DCC: variants seen among roughly 807,000 people sequenced by gnomAD.
DCC encodes DCC netrin 1 receptor, also known as netrin receptor DCC.
In DCC, 58 loss-of-function variants were observed where a neutral mutation model predicts 172.5. The ratio of observed to expected loss-of-function variants is 0.34; its 90% CI spans 0.27 to 0.42. DCC has a LOEUF of 0.42. Ranked by LOEUF, DCC falls within the 10% of genes least tolerant of loss-of-function variation. The pLI, the probability that DCC is intolerant of heterozygous loss-of-function variation, is 1.00. For missense variants in DCC, 1,740 were observed against 1,791.0 expected (o/e 0.97, Z 0.51); for synonymous variants, 709 against 644.5 (o/e 1.10, Z -1.52).
chr18:53,471,978 G>A (rs4280318), intron 25 of DCC, among the ~76,000 whole-genome samples: 1 of 152,052 alleles, frequency 6.6e-6, no homozygotes, highest in Non-Finnish European at 1.5e-5. Flanking sequence ...ATTTTGAGTC[G>A]CCAATACCCA....
chr18:52,686,386 C>G (rs2145001631), intron 1 of DCC, among the ~76,000 whole-genome samples: 1 of 152,258 alleles, frequency 6.6e-6, no homozygotes, highest in Non-Finnish European at 1.5e-5. Flanking sequence ...CATATCAAGT[C>G]TGAGCTTCGA....
At position 52,351,325 on chromosome 18, in the gene DCC, T is replaced by C. The variant is rs550081408; in HGVS notation, c.91+10447T>C. On this transcript the variant is annotated intron_variant, in intron 1 of 28. Transcript: ENST00000442544. ...TCCAGTAGTAGCTACTTGTACTTGGTAGATATTGACTGAATAAATTCAAAT... is the reference window on the plus strand; with the variant it reads ...TCCAGTAGTAGCTACTTGTACTTGGCAGATATTGACTGAATAAATTCAAAT... Among the ~76,000 whole-genome samples the C allele has an allele frequency of 2.0e-5, 3 of 152,318 alleles. No individual in the cohort carries two copies. In the East Asian group the frequency reaches 5.8e-4, roughly 29 times the overall value.
In DCC at chr18:53,492,957, G is replaced by A. The variant is rs561373563; in HGVS notation, c.3898+5999G>A. ...ATTGATTCTTCCTATCTATGAGCATGGAATATTTTTCCATTTGTTTGTGTC... is the reference window on the plus strand; with the variant it reads ...ATTGATTCTTCCTATCTATGAGCATAGAATATTTTTCCATTTGTTTGTGTC... On this transcript the variant is annotated intron_variant, in intron 26 of 28. Coordinates refer to ENST00000442544, the MANE Select transcript of DCC (RefSeq NM_005215.4). Among the ~76,000 whole-genome samples, 6 of 152,266 alleles carry A rather than the reference G, an allele frequency of 3.9e-5. No individual in the cohort carries two copies. In the East Asian group the frequency reaches 9.6e-4, roughly 24 times the overall value.
chr18:53,460,586 C>T (rs1014630209), intron 24 of DCC, among the ~76,000 whole-genome samples: 5 of 151,924 alleles, frequency 3.3e-5, no homozygotes, highest in African/African-American at 1.2e-4. Flanking sequence ...CCAGTTTCAT[C>T]CATGTCCCTA....
intron 12 of DCC, among the ~76,000 whole-genome samples, chr18:53,298,461 T>C (rs1186704846): frequency 3.7e-5 from 5 of 136,470 alleles, no homozygotes; most frequent in Admixed American, 1.8e-4. Context: ...CTGAGAGGTG[T>C]AGGCTGCAGT....
At chr18:53,515,579 C>CTGAT (rs1384095384) in intron 27 of DCC, among the ~76,000 whole-genome samples, 4 of 143,328 alleles carry the variant, frequency 2.8e-5, no homozygotes, top group African/African-American at 7.8e-5. Flanking sequence ...TCTCCTTAAG[C>CTGAT]TGATAAGCAA....
chr18:52,478,899 G>A (rs1321494817), intron 1 of DCC, among the ~76,000 whole-genome samples: 1 of 152,088 alleles, frequency 6.6e-6, no homozygotes, highest in Non-Finnish European at 1.5e-5. Context: ...GATTTGTGAG[G>A]GGACACAGAT....
At chr18:52,467,928 C>A (rs886690757) in intron 1 of DCC, among the ~76,000 whole-genome samples, 6 of 152,138 alleles carry the variant, frequency 3.9e-5, no homozygotes, top group African/African-American at 1.2e-4. Flanking sequence ...GTTTAAGTTC[C>A]TTGTAGATTC....
At chr18:52,474,923 C>T (rs1989051591) in intron 1 of DCC, among the ~76,000 whole-genome samples, 1 of 152,198 alleles carries the variant, frequency 6.6e-6, no homozygotes. Flanking sequence ...TTAAAATTCT[C>T]ATTCCCTAAA....
intron 27 of DCC, among the ~76,000 whole-genome samples, chr18:53,518,530 A>C (rs1422403986): frequency 1.3e-5 from 2 of 152,178 alleles, no homozygotes; most frequent in Non-Finnish European, 2.9e-5. Flanking sequence ...TGTACTGTGA[A>C]AATGAAGCTT....
At chr18:52,376,876 G>A (rs1322773091) in intron 1 of DCC, among the ~76,000 whole-genome samples, 1 of 152,190 alleles carries the variant, frequency 6.6e-6, no homozygotes, top group African/African-American at 2.4e-5. Context: ...AGGAAGGGAA[G>A]GGGATAAGAT....
chr18:52,797,569 G>A (rs1227158005), intron 2 of DCC, among the ~76,000 whole-genome samples: 1 of 152,194 alleles, frequency 6.6e-6, no homozygotes, highest in Non-Finnish European at 1.5e-5. Context: ...ATTGTTAATG[G>A]AGGTTGTGGT....
At chr18:52,388,992 T>C (rs1378544663) in intron 1 of DCC, among the ~76,000 whole-genome samples, 1 of 152,092 alleles carries the variant, frequency 6.6e-6, no homozygotes, top group Non-Finnish European at 1.5e-5. Flanking sequence ...CATCAAAAAC[T>C]ATGTCTTCTG....
intron 17 of DCC, 26 bp from the exon 18 acceptor site, chr18:53,397,282 C>G (rs771552402): frequency 1.9e-6 from 3 of 1,607,290 alleles, no homozygotes; most frequent in Admixed American, 3.3e-5. Flanking sequence ...TATTTTTTAT[C>G]TCTTTGCTAT....
intron 2 of DCC, among the ~76,000 whole-genome samples, chr18:52,865,703 T>C (rs2039216206): frequency 6.6e-6 from 1 of 152,116 alleles, no homozygotes; most frequent in South Asian, 2.1e-4. Context: ...GGGGTTGTTT[T>C]TTTCTTGTAA....
At chr18:53,314,591 A>G (rs2057322562) in intron 13 of DCC, among the ~76,000 whole-genome samples, 2 of 152,196 alleles carry the variant, frequency 1.3e-5, no homozygotes, top group African/African-American at 2.4e-5. Flanking sequence ...TCAGCATTAT[A>G]TGAGCCATTT....
intron 1 of DCC, among the ~76,000 whole-genome samples, chr18:52,469,027 TTTGATTTATTTATTTA>T (rs1234436722): frequency 1.6e-5 from 2 of 127,010 alleles, no homozygotes; most frequent in African/African-American, 3.0e-5. Flanking sequence ...GGAAAACAAT[TTTGATTTATTTATTTA>T]TTTATTTATT....
intron 12 of DCC, among the ~76,000 whole-genome samples, chr18:53,302,569 T>A (rs1159372485): frequency 6.6e-6 from 1 of 152,176 alleles, no homozygotes; most frequent in Admixed American, 6.5e-5. Context: ...TTTTTCAGAC[T>A]GCACTCTTTT....
At chr18:53,023,992 T>A (rs1033847423) in intron 5 of DCC, among the ~76,000 whole-genome samples, 1 of 152,172 alleles carries the variant, frequency 6.6e-6, no homozygotes, top group African/African-American at 2.4e-5. Flanking sequence ...ATGGTTCAGA[T>A]GAATAAATTT....
Sources: gnomAD v4.1 joint callset for allele counts (sites outside exome capture counted in the v4.1 genomes callset) on GRCh38, gnomAD v4.1.1 for gene constraint, MANE v1.5 for transcripts, NCBI Gene and HGNC (gene_info 2026-07-23, HGNC 2026-07-21) for gene names.